ANTXR2: variants seen among roughly 807,000 people sequenced by gnomAD.
The protein encoded by ANTXR2 is ANTXR cell adhesion molecule 2.
Under a neutral mutation model 73.7 loss-of-function variants are expected in ANTXR2, and 44 were observed. The observed-to-expected ratio is 0.60, with a 90% CI of 0.47 to 0.77. The LOEUF (loss-of-function observed/expected upper bound fraction) is 0.77, where lower values mean the gene tolerates loss of function less well. Among genes scored for constraint, ANTXR2 ranks in the 30% least tolerant of loss-of-function variants. The pLI, the probability that ANTXR2 is intolerant of heterozygous loss-of-function variation, is 0.00. For missense variants in ANTXR2, 604 were observed against 592.5 expected (o/e 1.02, Z -0.20); for synonymous variants, 217 against 205.9 (o/e 1.05, Z -0.46).
intron 16 of ANTXR2, among the ~76,000 whole-genome samples, chr4:79,952,155 T>C (rs1728731070): frequency 6.6e-6 from 1 of 150,818 alleles, no homozygotes; most frequent in Non-Finnish European, 1.5e-5. Context: ...TTCAAATATA[T>C]ATAATAGGTA....
chr4:80,029,274 A>G (rs1369277644), intron 10 of ANTXR2, among the ~76,000 whole-genome samples: 31 of 152,132 alleles, frequency 2.0e-4, no homozygotes. Flanking sequence ...TGCATTTTAT[A>G]ACTACTTCAG....
At chr4:80,071,725 C>T (rs1355914745) in intron 1 of ANTXR2, 71 bp from the exon 2 acceptor site, 4 of 1,296,952 alleles carry the variant, frequency 3.1e-6, no homozygotes, top group Admixed American at 3.5e-5. Context: ...TGAAATGGTT[C>T]CTTCTTCAAT....
intron 16 of ANTXR2, among the ~76,000 whole-genome samples, chr4:79,915,862 C>CTATATATATATATATATATATA (rs1553925226): frequency 5.7e-5 from 7 of 123,872 alleles, no homozygotes; most frequent in African/African-American, 2.1e-4. Context: ...CTCTCTCTCT[C>CTATATATATATATATATATATA]TATATATATA....
At position 79,906,482 on chromosome 4, in the gene ANTXR2, A is replaced by G. The variant is rs114449405; in HGVS notation, c.*947T>C. 1,157 of 152,738 alleles carry G rather than the reference A, an allele frequency of 7.6e-3. 7 individuals carry two copies. Among genetic ancestry groups the G allele is most frequent in the Non-Finnish European group, 0.012 (813 of 68,024 alleles). The allele number at this position is 152,738 out of a possible 1,614,324, so 9.5% of individuals were successfully genotyped here. A position where few individuals can be genotyped will look rare whatever the true frequency, so the allele number is the denominator to read the frequency against. On this transcript the variant is annotated 3_prime_UTR_variant, in exon 17 of 17. Transcript: ENST00000403729. ...CTGAAGAGCCCTTGGAGACTTGAAG[A>G]AAGAAAAAACCCTGAGCGGAAGCTT...
intron 7 of ANTXR2, among the ~76,000 whole-genome samples, chr4:80,049,710 A>T (rs1010460962): frequency 2.0e-5 from 3 of 151,680 alleles, no homozygotes; most frequent in African/African-American, 7.3e-5. Flanking sequence ...CATTCATCTT[A>T]GTCAGGGACA....
intron 2 of ANTXR2, among the ~76,000 whole-genome samples, chr4:80,069,900 T>C (rs1734702787): frequency 6.6e-6 from 1 of 152,152 alleles, no homozygotes; most frequent in African/African-American, 2.4e-5. Flanking sequence ...GGGTGGAGAG[T>C]ACCCAGTTTG....
At chr4:80,057,469 T>C (rs1734051246) in intron 3 of ANTXR2, among the ~76,000 whole-genome samples, 1 of 151,984 alleles carries the variant, frequency 6.6e-6, no homozygotes, top group South Asian at 2.1e-4. Context: ...AAAAATATTA[T>C]CAGGCAAGTT....
At chr4:80,057,937 T>C (rs982960778) in intron 3 of ANTXR2, among the ~76,000 whole-genome samples, 1 of 152,108 alleles carries the variant, frequency 6.6e-6, no homozygotes, top group Non-Finnish European at 1.5e-5. Context: ...GCATAAGTTA[T>C]GTAATTCATA....
chr4:79,909,231 TTC>T (rs1286573005), intron 16 of ANTXR2, among the ~76,000 whole-genome samples: 1 of 152,170 alleles, frequency 6.6e-6, no homozygotes, highest in Non-Finnish European at 1.5e-5. Flanking sequence ...AGTAATAGTT[TTC>T]TCTTTTCTGT....
chr4:79,923,129 G>A (rs1046540183), intron 16 of ANTXR2, among the ~76,000 whole-genome samples: 8 of 151,960 alleles, frequency 5.3e-5, no homozygotes, highest in African/African-American at 1.9e-4. Flanking sequence ...TACTGGGCTT[G>A]AAATATTAAA....
chr4:79,977,455 AAT>A, intron 16 of ANTXR2, 164 bp downstream of exon 16: 1 of 1,353,656 alleles, frequency 7.4e-7, no homozygotes, highest in Non-Finnish European at 9.7e-7. Flanking sequence ...GCATTCTAAC[AAT>A]AGGTAATTTA....
At position 80,008,603 on chromosome 4, in the gene ANTXR2, G is replaced by A. The variant is rs750516728; in HGVS notation, c.959C>T (p.Ala320Val). The A allele has an allele frequency of 2.4e-5, 38 of 1,602,336 alleles. 1 individual carries two copies. The East Asian group carries it at 6.6e-4, about 28-fold the overall frequency. The change falls in exon 12 of 17, where the codon GCA becomes GTA. Residue 320 changes from alanine to valine, a missense_variant. Ala to Val is a moderately conservative substitution (Grantham distance 64, BLOSUM62 0). Transcript: ENST00000403729. Reference protein sequence around the residue: ...VTATECSNGIAAIIVILVLLL... With the variant: ...VTATECSNGIVAIIVILVLLL... The stretch of plus-strand genomic sequence containing the variant: ...TAACACCAAAATAACAATGATGGCT[G>A]CGATCCCGTTAGACTAAAGTAGGCA...
At chr4:79,921,007 G>T (rs980436969) in intron 16 of ANTXR2, among the ~76,000 whole-genome samples, 5 of 151,988 alleles carry the variant, frequency 3.3e-5, no homozygotes, top group African/African-American at 4.8e-5. Flanking sequence ...CAAATGAAAG[G>T]CATATTACAT....
At chr4:79,975,111 C>T (rs1729574373) in intron 16 of ANTXR2, among the ~76,000 whole-genome samples, 1 of 152,296 alleles carries the variant, frequency 6.6e-6, no homozygotes, top group South Asian at 2.1e-4. Flanking sequence ...TAGCAAACCA[C>T]GAATCACTGC....
chr4:79,980,768 T>C (rs1338048928), intron 14 of ANTXR2, among the ~76,000 whole-genome samples: 3 of 152,154 alleles, frequency 2.0e-5, no homozygotes, highest in Non-Finnish European at 2.9e-5. Context: ...CCATAGTGTT[T>C]AAATATTTAA....
At chr4:80,022,534 C>T (rs10000471) in intron 10 of ANTXR2, among the ~76,000 whole-genome samples, 98,359 of 152,026 alleles carry the variant, frequency 0.65, 32,327 homozygotes, top group East Asian at 0.95. Flanking sequence ...GTAAGCTTTC[C>T]TTGCCTCAAG....
chr4:79,921,590 A>T (rs1245427206), intron 16 of ANTXR2, among the ~76,000 whole-genome samples: 1 of 152,086 alleles, frequency 6.6e-6, no homozygotes, highest in Non-Finnish European at 1.5e-5. Context: ...TTGATGTTTT[A>T]TGGATAAGAC....
At chr4:80,073,428 G>T (rs748060466), upstream of ANTXR2, 3 of 152,154 alleles carry the variant, frequency 2.0e-5, no homozygotes, top group Non-Finnish European at 4.4e-5. Context: ...TATTTTAGCA[G>T]CTGTGCTAAA....
At chr4:80,032,572 G>T (rs1423329395) in intron 9 of ANTXR2, among the ~76,000 whole-genome samples, 2 of 151,734 alleles carry the variant, frequency 1.3e-5, no homozygotes, top group African/African-American at 2.4e-5. Context: ...TATTGAATAG[G>T]TACTGTGTGT....
Sources: gnomAD v4.1 joint callset for allele counts (sites outside exome capture counted in the v4.1 genomes callset) on GRCh38, gnomAD v4.1.1 for gene constraint, MANE v1.5 for transcripts, NCBI Gene and HGNC (gene_info 2026-07-23, HGNC 2026-07-21) for gene names.